The following HDAC9 variants were observed in gnomAD, a reference collection of about 807,000 sequenced individuals.
The protein encoded by HDAC9 is MEF-2 interacting transcription repressor (MITR) protein.
A neutral mutation model predicts 139.4 loss-of-function variants in HDAC9; 41 were observed. The ratio of observed to expected loss-of-function variants is 0.29; its 90% CI spans 0.23 to 0.38. HDAC9 has a LOEUF of 0.38. HDAC9 is among the 10% of genes least tolerant of loss of function. The pLI, the probability that HDAC9 is intolerant of heterozygous loss-of-function variation, is 1.00. For missense variants in HDAC9, 1,147 were observed against 1,297.0 expected, an observed-to-expected ratio of 0.88 and a Z score of 1.78; for synonymous variants, 517 against 476.2, an observed-to-expected ratio of 1.09 and a Z score of -1.12.
At chr7:18,987,589 G>T (rs1279846149) in intron 25 of HDAC9, among the ~76,000 whole-genome samples, 1 of 152,190 alleles carries the variant, frequency 6.6e-6, no homozygotes, top group Non-Finnish European at 1.5e-5. Flanking sequence ...CATAAAATGA[G>T]TTAGGGAGGA....
chr7:18,346,922 A>G (rs372948667), intron 1 of HDAC9, among the ~76,000 whole-genome samples: 4 of 152,126 alleles, frequency 2.6e-5, no homozygotes, highest in Admixed American at 2.6e-4. Context: ...TAGGTCTAAA[A>G]TGATCTGTTC....
intron 2 of HDAC9, among the ~76,000 whole-genome samples, chr7:18,206,672 A>G (rs565533703): frequency 2.7e-4 from 41 of 152,262 alleles, no homozygotes; most frequent in African/African-American, 9.1e-4. Flanking sequence ...TGTGAATCAT[A>G]AAAAAATAAT....
intron 2 of HDAC9, among the ~76,000 whole-genome samples, chr7:18,238,814 A>G (rs975312001): frequency 1.3e-5 from 2 of 152,212 alleles, no homozygotes; most frequent in Non-Finnish European, 2.9e-5. Context: ...GCTAACTTTT[A>G]GCAGTGGGAG....
intron 12 of HDAC9, among the ~76,000 whole-genome samples, chr7:18,695,285 G>A (rs114633998): frequency 6.6e-6 from 1 of 152,230 alleles, no homozygotes; most frequent in Admixed American, 6.5e-5. Context: ...GGGACTCTTT[G>A]GGGGAGGGAA....
At chr7:18,645,152 C>T (rs1180769553) in intron 9 of HDAC9, among the ~76,000 whole-genome samples, 1 of 152,108 alleles carries the variant, frequency 6.6e-6, no homozygotes, top group African/African-American at 2.4e-5. Context: ...TGGAGAGTTT[C>T]AAAGCACAAG....
At chr7:18,778,543 A>G (rs1331568921) in intron 16 of HDAC9, among the ~76,000 whole-genome samples, 3 of 152,052 alleles carry the variant, frequency 2.0e-5, no homozygotes, top group East Asian at 3.9e-4. Flanking sequence ...AGATTAAATG[A>G]AGAAACAGTA....
chr7:18,846,376 G>A (rs1307794561), intron 21 of HDAC9, among the ~76,000 whole-genome samples: 1 of 152,070 alleles, frequency 6.6e-6, no homozygotes, highest in Non-Finnish European at 1.5e-5. Flanking sequence ...AAACTTAAAG[G>A]CAATATACCT....
intron 1 of HDAC9, among the ~76,000 whole-genome samples, chr7:18,468,884 A>G (rs1173525409): frequency 6.6e-6 from 1 of 152,238 alleles, no homozygotes; most frequent in African/African-American, 2.4e-5. Flanking sequence ...AGTACAAACC[A>G]AGAGACACAA....
chr7:18,263,886 TG>T (rs1186344876), intron 2 of HDAC9, among the ~76,000 whole-genome samples: 22 of 152,280 alleles, frequency 1.4e-4, no homozygotes, highest in Non-Finnish European at 1.5e-5. Context: ...CCCAAAGTGC[TG>T]GGATTACAGG....
chr7:18,265,571 A>C (rs1203196579), intron 2 of HDAC9, among the ~76,000 whole-genome samples: 1 of 152,142 alleles, frequency 6.6e-6, no homozygotes, highest in Non-Finnish European at 1.5e-5. Flanking sequence ...ATTCCTATAA[A>C]TGACTCTTTA....
chr7:18,852,914 G>A (rs1472439055), intron 21 of HDAC9, among the ~76,000 whole-genome samples: 1 of 151,478 alleles, frequency 6.6e-6, no homozygotes, highest in African/African-American at 2.4e-5. Flanking sequence ...TATATAAGAA[G>A]AAAGGATCCA....
chr7:18,869,016 C>A (rs746635755), intron 21 of HDAC9, among the ~76,000 whole-genome samples: 7 of 152,064 alleles, frequency 4.6e-5, no homozygotes, highest in Non-Finnish European at 7.4e-5. Flanking sequence ...CTTTGAATGT[C>A]CTTTATAATA....
intron 1 of HDAC9, among the ~76,000 whole-genome samples, chr7:18,114,618 C>T (rs1562634490): frequency 6.6e-6 from 1 of 152,122 alleles, no homozygotes; most frequent in Admixed American, 6.5e-5. Flanking sequence ...GGAGAGGATC[C>T]ATTCTTCAAT....
At chr7:18,479,769 A>G (rs1795397052) in intron 1 of HDAC9, among the ~76,000 whole-genome samples, 2 of 151,900 alleles carry the variant, frequency 1.3e-5, no homozygotes, top group African/African-American at 2.4e-5. Flanking sequence ...AGGACACTTT[A>G]CTTAGTTTAA....
chr7:18,184,614 T>G (rs1332109213), intron 2 of HDAC9, among the ~76,000 whole-genome samples: 1 of 152,168 alleles, frequency 6.6e-6, no homozygotes, highest in African/African-American at 2.4e-5. Flanking sequence ...TCAAAAAGTT[T>G]CAGATTTTGG....
intron 22 of HDAC9, among the ~76,000 whole-genome samples, chr7:18,933,090 C>CA (rs1289840157): frequency 6.6e-6 from 1 of 152,134 alleles, no homozygotes; most frequent in Non-Finnish European, 1.5e-5. Flanking sequence ...ATACCATATT[C>CA]AACCCCAGTG....
chr7:18,594,200 C>T (rs144663089), intron 6 of HDAC9, among the ~76,000 whole-genome samples, 171 bp downstream of exon 6: 2 of 152,182 alleles, frequency 1.3e-5, no homozygotes, highest in East Asian at 3.9e-4. Context: ...CTTATTTCTG[C>T]ATCAGTTGAT....
At chr7:18,578,192 G>GA in intron 2 of HDAC9, 1 of 519,028 alleles carries the variant, frequency 1.9e-6, no homozygotes, top group Non-Finnish European at 3.8e-6. Flanking sequence ...CAAACTGAGG[G>GA]AAAATGTTTG....
chr7:18,629,526 G>GA lies in HDAC9; in HGVS notation c.796+54dup, dbSNP rs757267753. On this transcript the variant is annotated intron_variant, in intron 7 of 25. Coordinates refer to ENST00000686413, the MANE Select transcript of HDAC9 (RefSeq NM_178425.4). ...ACCTATGAATGCTGGGAGTAGGAAT[G>GA]AAAAAAAAATAGTTTAGAATAAATA... The GA allele has an allele frequency of 1.2e-3, 1,824 of 1,488,906 alleles. 1 individual carries two copies. Among genetic ancestry groups the GA allele is most frequent in the East Asian group, 1.5e-3 (63 of 40,842 alleles). 92.2% of individuals were successfully genotyped at this position (1,488,906 alleles called of 1,614,324 possible). A position where few individuals can be genotyped will look rare whatever the true frequency, so the allele number is the denominator to read the frequency against.
Sources: allele counts gnomAD v4.1 joint callset (sites outside exome capture counted in the v4.1 genomes callset), GRCh38; gene constraint gnomAD v4.1.1; transcripts MANE v1.5; gene names NCBI Gene and HGNC (gene_info 2026-07-23, HGNC 2026-07-21).